The following USP6NL variants were observed in gnomAD, a reference collection of about 807,000 sequenced individuals.
USP6NL encodes USP6 N-terminal-like protein.
A neutral mutation model predicts 61.9 loss-of-function variants in USP6NL; 26 were observed. That is an observed-to-expected ratio of 0.42 (90% confidence interval 0.31 to 0.58). The LOEUF is 0.58. Ranked by LOEUF, USP6NL falls within the 20% of genes least tolerant of loss-of-function variation. The pLI, the probability that USP6NL is intolerant of heterozygous loss-of-function variation, is 0.16. For synonymous variants in USP6NL, 432 were observed against 390.1 expected (o/e 1.11, Z -1.27); for missense variants, 1,114 against 1,034.3 (o/e 1.08, Z -1.06).
chr10:11,462,950 G>A lies in USP6NL; in HGVS notation c.1978C>T (p.Pro660Ser). 1 of 1,613,722 alleles carries A rather than the reference G, an allele frequency of 6.2e-7. No individual in the cohort carries two copies. Among genetic ancestry groups the A allele is most frequent in the Admixed American group, 1.7e-5 (1 of 59,968 alleles). Residue 660 changes from proline (P) to serine (S), a missense_variant, in exon 15 of 15, where the codon CCT becomes TCT. Physicochemically the swap from Pro to Ser is moderately conservative, Grantham distance 74. Coordinates refer to ENST00000609104, the MANE Select transcript of USP6NL (RefSeq NM_014688.5). ...CTGGAAGGATTCAGTTGAGTCCCAG[G>A]GCTAAACTGTGGAGAAGCAAAGCTG... ...NSSFASPQFSPGTQLNPSRRP... is the reference protein window; with the variant it reads ...NSSFASPQFSSGTQLNPSRRP...
intron 13 of USP6NL, among the ~76,000 whole-genome samples, chr10:11,483,713 G>A (rs1326531180): frequency 7.3e-6 from 1 of 136,612 alleles, no homozygotes; most frequent in Non-Finnish European, 1.6e-5. Flanking sequence ...AGGCAGTGTT[G>A]GGGGGCCGGT....
intron 2 of USP6NL, among the ~76,000 whole-genome samples, chr10:11,556,845 G>C (rs575167778): frequency 6.6e-6 from 1 of 152,308 alleles, no homozygotes; most frequent in South Asian, 2.1e-4. Context: ...AGGTCAGAGA[G>C]ACACTTAGAA....
intron 2 of USP6NL, among the ~76,000 whole-genome samples, chr10:11,549,743 T>C (rs1232492331): frequency 1.3e-5 from 2 of 152,226 alleles, no homozygotes; most frequent in South Asian, 4.1e-4. Context: ...TAACTGGGTA[T>C]GAACAATGTT....
At position 11,543,548 on chromosome 10, in the gene USP6NL, TAAAAAAGA is replaced by T. The variant is rs1375560191; in HGVS notation, c.5-15989_5-15982del. ...CAGAGTGAGACTCCATCTCAAAAAA[TAAAAAAGA>T]AAAAAAGAAAAAAAAAGAAACATCT... On this transcript the variant is annotated intron_variant, in intron 2 of 14. Transcript: ENST00000609104. Among the ~76,000 whole-genome samples, 12 of 147,204 alleles carry T rather than the reference TAAAAAAGA, an allele frequency of 8.2e-5. 1 individual carries two copies. In the South Asian group the frequency reaches 1.1e-3, roughly 13 times the overall value.
Position 11,513,006 on chromosome 10 carries a change from A to C in USP6NL, c.196-3331T>G, listed in dbSNP as rs139324409. Among the ~76,000 whole-genome samples the C allele has an allele frequency of 9.6e-4, 146 of 152,360 alleles. 1 individual carries two copies. The highest frequency in any genetic ancestry group is 1.5e-3 in the Non-Finnish European group (105 of 68,022). On this transcript the variant is annotated intron_variant, in intron 5 of 14. Transcript: ENST00000609104. The surrounding 1 kb of genome is among the most constrained non-coding windows in gnomAD (Gnocchi z 4.7). ...TTACAGCACCTAACACCTGTGTTCT[A>C]GTTGGCCTAAATGCCCAAATTGTAT...
chr10:11,562,917 T>C lies in USP6NL; in HGVS notation c.4+34714A>G. ...TATGAATCACATTCCTGGGTATCTA[T>C]CCCACAGAAATAAAAATTTATATTT... On this transcript the variant is annotated intron_variant, in intron 2 of 14. Transcript: ENST00000609104. This position sits in a 1 kb window ranked among gnomAD's most constrained non-coding sequence, Gnocchi z 4.8. 3.0e-6 allele frequency: 1 copy of C among 337,920 alleles called. No homozygotes were observed. Among genetic ancestry groups the C allele is most frequent in the Non-Finnish European group, 4.2e-6 (1 of 238,192 alleles). 20.9% of individuals were successfully genotyped at this position (337,920 alleles called of 1,614,324 possible).
chr10:11,471,102 G>C (rs142295676), intron 14 of USP6NL, among the ~76,000 whole-genome samples: 1 of 152,100 alleles, frequency 6.6e-6, no homozygotes, highest in African/African-American at 2.4e-5. Context: ...GAAGAATGGC[G>C]TGAACCCAGG....
chr10:11,542,664 A>G (rs1836114248), intron 2 of USP6NL, among the ~76,000 whole-genome samples: 1 of 152,158 alleles, frequency 6.6e-6, no homozygotes, highest in Non-Finnish European at 1.5e-5. Context: ...GTTTGCAAGG[A>G]GCTGAGATCA....
In USP6NL at chr10:11,510,845, C is replaced by A. The variant is rs766756471; in HGVS notation, c.196-1170G>T. On this transcript the variant is annotated intron_variant, in intron 5 of 14. Coordinates refer to ENST00000609104, the MANE Select transcript of USP6NL (RefSeq NM_014688.5). The surrounding 1 kb of genome is among the most constrained non-coding windows in gnomAD (Gnocchi z 4.8). ...CACCCCTCTCATAAGTGGTAGAAGA[C>A]GGATTCAAAGCCAGGCAAGCCTGGC... Among the ~76,000 whole-genome samples, 1 of 152,104 alleles carries A rather than the reference C, an allele frequency of 6.6e-6. No individual in the cohort carries two copies. Among genetic ancestry groups the A allele is most frequent in the East Asian group, 1.9e-4 (1 of 5,170 alleles).
In USP6NL at chr10:11,595,974, T is replaced by C. The variant is rs1838314493; in HGVS notation, c.4+1657A>G. On this transcript the variant is annotated intron_variant, in intron 2 of 14. Coordinates refer to ENST00000609104, the MANE Select transcript of USP6NL (RefSeq NM_014688.5). The surrounding 1 kb of genome is among the most constrained non-coding windows in gnomAD (Gnocchi z 5.3). ...AAATGTTATGTGGTTCAAACACTAT[T>C]AGTTGCTTGGCAAGCCATTCCTCCC... 2.0e-5 allele frequency among the ~76,000 whole-genome samples: 3 copies of C among 152,350 alleles called. No homozygotes were observed. The South Asian group carries it at 6.2e-4, about 32-fold the overall frequency.
chr10:11,515,400 G>A (rs11257144), intron 5 of USP6NL, among the ~76,000 whole-genome samples: 8 of 152,212 alleles, frequency 5.3e-5, no homozygotes, highest in East Asian at 1.9e-4. Context: ...ACATTACTGC[G>A]TATTGTGATA....
Position 11,462,738 on chromosome 10 carries a change from C to A in USP6NL, c.2190G>T (p.Leu730Phe). 6.2e-7 allele frequency: 1 copy of A among 1,613,994 alleles called. No individual in the cohort carries two copies. The highest frequency in any genetic ancestry group is 2.2e-5 in the East Asian group (1 of 44,882). ...CTTCTGACCATGTTCTGTTATCTGG[C>A]AAGTAATCCACTGGTGGAATGATCA... ...GKLIIPPVDY[L>F]PDNRTWSEVS... The change falls in exon 15 of 15, where the codon TTG becomes TTT. Residue 730 changes from leucine to phenylalanine, a missense_variant. By Grantham distance (22) the Leu-to-Phe change is conservative. Transcript: ENST00000609104.
rs1211866895 is a variant in USP6NL, at chr10:11,525,438, C to T, written c.103G>A (p.Glu35Lys). ...TTGTAAACAAGGTAATCAGCATCTT[C>T]CCAAGGTTCAATCTCTGCACCTTCT... ...GREGAEIEPW[E>K]DADYLVYKVT... is the part of the protein sequence containing the mutation. The change falls in exon 4 of 15, where the codon GAA becomes AAA. Residue 35 changes from glutamate (E) to lysine (K), a missense_variant. Glu to Lys is a moderately conservative substitution (Grantham distance 56). Transcript: ENST00000609104. The surrounding 1 kb of genome is among the most constrained non-coding windows in gnomAD (Gnocchi z 5.0). 1 of 1,598,350 alleles carries T rather than the reference C, an allele frequency of 6.3e-7. No homozygotes were observed. Among genetic ancestry groups the T allele is most frequent in the Admixed American group, 1.8e-5 (1 of 56,058 alleles).
chr10:11,610,166 T>C (rs1212417442), intron 1 of USP6NL, among the ~76,000 whole-genome samples: 1 of 152,240 alleles, frequency 6.6e-6, no homozygotes, highest in Non-Finnish European at 1.5e-5. Flanking sequence ...CTTATACTTT[T>C]ATTAGTATAA....
rs1259480185 is a variant in USP6NL, at chr10:11,465,078, T to C, written c.1079-1229A>G. 6.6e-6 allele frequency among the ~76,000 whole-genome samples: 1 copy of C among 152,218 alleles called. No homozygotes were observed. Among genetic ancestry groups the C allele is most frequent in the Non-Finnish European group, 1.5e-5 (1 of 68,018 alleles). On this transcript the variant is annotated intron_variant, in intron 14 of 14. Transcript: ENST00000609104. The surrounding 1 kb of genome is among the most constrained non-coding windows in gnomAD (Gnocchi z 4.5). Reference sequence around the variant, plus strand: ...ATTTAGTCCCAGATAAATATATGAATGCCTTCTTCCCTGTAGGCAAATAAT... The same window carrying C: ...ATTTAGTCCCAGATAAATATATGAACGCCTTCTTCCCTGTAGGCAAATAAT...
At position 11,581,861 on chromosome 10, in the gene USP6NL, T is replaced by C. The variant is rs562220446; in HGVS notation, c.4+15770A>G. 8.5e-5 allele frequency among the ~76,000 whole-genome samples: 13 copies of C among 152,298 alleles called. No individual in the cohort carries two copies. The East Asian group carries it at 2.5e-3, about 29-fold the overall frequency. On this transcript the variant is annotated intron_variant, in intron 2 of 14. Coordinates refer to ENST00000609104, the MANE Select transcript of USP6NL (RefSeq NM_014688.5). ...GATCTCAGCTCATGCAACCTTTGCTTCCCAGGTTCACATGATTCTCCCTGC... is the reference window on the plus strand; with the variant it reads ...GATCTCAGCTCATGCAACCTTTGCTCCCCAGGTTCACATGATTCTCCCTGC...
At chr10:11,582,668 T>G (rs1347755543) in intron 2 of USP6NL, among the ~76,000 whole-genome samples, 1 of 152,186 alleles carries the variant, frequency 6.6e-6, no homozygotes, top group South Asian at 2.1e-4. Context: ...AGAATTAAGT[T>G]AGCAATTCTT....
chr10:11,512,530 T>C (rs1374340305), intron 5 of USP6NL, among the ~76,000 whole-genome samples: 1 of 152,254 alleles, frequency 6.6e-6, no homozygotes, highest in Non-Finnish European at 1.5e-5. Context: ...ACCCATTTTC[T>C]AGAAGTAAAG....
Position 11,596,602 on chromosome 10 carries a change from C to T in USP6NL, c.4+1029G>A, listed in dbSNP as rs562034038. ...TGGTGCCACTGCACTGCAGCCTGGG[C>T]GACAGAGGGAGACTCCGTCTCAAAA... is the stretch of plus-strand genomic sequence containing the variant. On this transcript the variant is annotated intron_variant, in intron 2 of 14. Coordinates refer to ENST00000609104, the MANE Select transcript of USP6NL (RefSeq NM_014688.5). The surrounding 1 kb of genome is among the most constrained non-coding windows in gnomAD (Gnocchi z 4.1). 5.3e-4 allele frequency among the ~76,000 whole-genome samples: 78 copies of T among 147,702 alleles called. No individual in the cohort carries two copies. The highest frequency in any genetic ancestry group is 1.8e-3 in the African/African-American group (73 of 39,906).
Sources: allele counts gnomAD v4.1 joint callset (sites outside exome capture counted in the v4.1 genomes callset), GRCh38; gene constraint gnomAD v4.1.1; non-coding constraint Gnocchi (gnomAD v3.1); transcripts MANE v1.5; gene names NCBI Gene and HGNC (gene_info 2026-07-23, HGNC 2026-07-21).